ASAP1: variants seen among roughly 807,000 people sequenced by gnomAD.
ASAP1 encodes the protein ArfGAP with SH3 domain, ankyrin repeat and PH domain 1.
ASAP1 carries 43 observed loss-of-function variants against 145.2 expected under a neutral mutation model. The ratio of observed to expected loss-of-function variants is 0.30; its 90% CI spans 0.23 to 0.38. ASAP1 has a LOEUF of 0.38. Among genes scored for constraint, ASAP1 ranks in the 10% least tolerant of loss-of-function variants. The pLI, the probability that ASAP1 is intolerant of heterozygous loss-of-function variation, is 1.00. For missense variants in ASAP1, 1,018 were observed against 1,355.3 expected, an observed-to-expected ratio of 0.75 and a Z score of 3.91; for synonymous variants, 546 against 515.5, an observed-to-expected ratio of 1.06 and a Z score of -0.80.
chr8:130,147,071 CTAAAAA>C (rs201162549), intron 13 of ASAP1, among the ~76,000 whole-genome samples: 2,340 of 151,706 alleles, frequency 0.015, 31 homozygotes, highest in East Asian at 0.053. Context: ...ACTAAAAATA[CTAAAAA>C]TTAGCTGGCT....
intron 2 of ASAP1, among the ~76,000 whole-genome samples, chr8:130,359,596 T>C (rs1262674935): frequency 6.7e-6 from 1 of 148,806 alleles, no homozygotes; most frequent in Non-Finnish European, 1.5e-5. Flanking sequence ...CCCCCGGGAT[T>C]GGGCTTCTGC....
rs180948363 is a variant in ASAP1, at chr8:130,386,595, C to G, written c.59+15290G>C. 161 of 152,414 alleles carry G rather than the reference C, an allele frequency of 1.1e-3. 2 individuals are homozygous for G. The highest frequency in any genetic ancestry group is 3.8e-3 in the African/African-American group (158 of 41,594). The allele number at this position is 152,414 out of a possible 1,614,324, so 9.4% of individuals were successfully genotyped here. On this transcript the variant is annotated intron_variant, in intron 2 of 29. Coordinates refer to ENST00000518721, the MANE Select transcript of ASAP1 (RefSeq NM_018482.4). ...GTGAAAACTCCATTTCCAGTCTCCTCTTACCAAACTCACATTGTTTGGGAA... is the reference window on the plus strand; with the variant it reads ...GTGAAAACTCCATTTCCAGTCTCCTGTTACCAAACTCACATTGTTTGGGAA...
chr8:130,128,138 C>G, intron 15 of ASAP1, 48 bp from the exon 16 acceptor site: 1 of 270,124 alleles, frequency 3.7e-6, no homozygotes. Flanking sequence ...AGAGCATGGT[C>G]ATTTTTTTTT....
chr8:130,167,359 C>G, intron 11 of ASAP1, 177 bp downstream of exon 11: 1 of 746,668 alleles, frequency 1.3e-6, no homozygotes, highest in Non-Finnish European at 2.5e-6. Flanking sequence ...CCCAGAACAT[C>G]TTTCCTATAA....
At chr8:130,218,902 TATGTCTCACATATATATAC>T (rs1817107573) in intron 4 of ASAP1, among the ~76,000 whole-genome samples, 1 of 152,124 alleles carries the variant, frequency 6.6e-6, no homozygotes, top group African/African-American at 2.4e-5. Context: ...TACTGGCATA[TATGTCTCACATATATATAC>T]ATGTCTCACA....
chr8:130,395,292 A>G (rs1334555151), intron 2 of ASAP1, among the ~76,000 whole-genome samples: 1 of 152,194 alleles, frequency 6.6e-6, no homozygotes, highest in Non-Finnish European at 1.5e-5. Context: ...CATACGTTTG[A>G]CACGTCCTCT....
chr8:130,188,665 C>CG (rs1814909469), intron 5 of ASAP1, among the ~76,000 whole-genome samples: 2 of 118,250 alleles, frequency 1.7e-5, no homozygotes, highest in Admixed American at 2.2e-4. Flanking sequence ...ACCTGGGAGG[C>CG]GGAGGTTGCA....
intron 3 of ASAP1, among the ~76,000 whole-genome samples, chr8:130,268,073 C>T (rs1046708392): frequency 1.3e-5 from 2 of 152,178 alleles, no homozygotes; most frequent in Non-Finnish European, 2.9e-5. Context: ...AAGTTGATTA[C>T]AGATCTGATG....
At chr8:130,154,054 A>G (rs1425174599) in intron 12 of ASAP1, among the ~76,000 whole-genome samples, 1 of 152,164 alleles carries the variant, frequency 6.6e-6, no homozygotes, top group African/African-American at 2.4e-5. Context: ...TAAAGTTAAG[A>G]AAGTAACTCA....
intron 15 of ASAP1, among the ~76,000 whole-genome samples, chr8:130,128,980 C>G (rs36065517): frequency 0.23 from 34,799 of 152,174 alleles, 4,282 homozygotes; most frequent in South Asian, 0.37. Flanking sequence ...ATAATCCCCA[C>G]GTGTCTGGGG....
intron 1 of ASAP1, among the ~76,000 whole-genome samples, chr8:130,428,428 CATCAT>C (rs1830009882): frequency 1.4e-5 from 2 of 139,246 alleles, no homozygotes; most frequent in Non-Finnish European, 3.1e-5. Context: ...TCACCATCAT[CATCAT>C]CACCACCACC....
At position 130,401,983 on chromosome 8, in the gene ASAP1, C is replaced by A; in HGVS notation, c.-27-13G>T. ...ATCAGAAAACGACCTGGATAGGGGG[C>A]AGGACAAAAAGGGGACAAGAGTCAT... On this transcript the variant is annotated splice_polypyrimidine_tract_variant and intron_variant, in intron 1 of 29. Transcript: ENST00000518721. 6.3e-7 allele frequency: 1 copy of A among 1,580,184 alleles called. No homozygotes were observed. Among genetic ancestry groups the A allele is most frequent in the Admixed American group, 1.7e-5 (1 of 57,770 alleles).
chr8:130,090,462 T>C (rs1381123877), intron 25 of ASAP1, among the ~76,000 whole-genome samples: 3 of 152,236 alleles, frequency 2.0e-5, no homozygotes, highest in African/African-American at 7.2e-5. Context: ...CCTTAGTCTT[T>C]ATGTACATAT....
At chr8:130,418,648 G>T (rs768677372) in intron 1 of ASAP1, among the ~76,000 whole-genome samples, 1 of 151,746 alleles carries the variant, frequency 6.6e-6, no homozygotes, top group Non-Finnish European at 1.5e-5. Context: ...ATGAAACCCC[G>T]AACCCATAAG....
At chr8:130,240,783 A>G (rs1429921151) in intron 3 of ASAP1, among the ~76,000 whole-genome samples, 1 of 152,116 alleles carries the variant, frequency 6.6e-6, no homozygotes, top group Non-Finnish European at 1.5e-5. Context: ...AGTCTAGGAG[A>G]GCACTTCCAA....
At chr8:130,347,918 T>C (rs1460137137) in intron 3 of ASAP1, among the ~76,000 whole-genome samples, 2 of 152,214 alleles carry the variant, frequency 1.3e-5, no homozygotes, top group Non-Finnish European at 2.9e-5. Context: ...TTAACCAATG[T>C]ATTTCATTTT....
intron 5 of ASAP1, among the ~76,000 whole-genome samples, chr8:130,189,297 TC>T (rs1344233388): frequency 6.6e-6 from 1 of 152,164 alleles, no homozygotes; most frequent in African/African-American, 2.4e-5. Flanking sequence ...TAATAACCAA[TC>T]CCTCTTTATT....
intron 7 of ASAP1, 66 bp downstream of exon 7, chr8:130,187,170 T>TG: frequency 6.5e-6 from 9 of 1,391,438 alleles, no homozygotes; most frequent in South Asian, 1.3e-5. Context: ...AGTTTTTTTT[T>TG]TTGTTGTCCA....
intron 14 of ASAP1, among the ~76,000 whole-genome samples, chr8:130,135,463 TGACAGAGTGA>T (rs1225044744): frequency 2.0e-5 from 3 of 151,886 alleles, no homozygotes; most frequent in Non-Finnish European, 4.4e-5. Context: ...GCAGCCTGGG[TGACAGAGTGA>T]GACCCTGCCT....
Sources: gnomAD v4.1 joint callset for allele counts (sites outside exome capture counted in the v4.1 genomes callset) on GRCh38, gnomAD v4.1.1 for gene constraint, MANE v1.5 for transcripts, NCBI Gene and HGNC (gene_info 2026-07-23, HGNC 2026-07-21) for gene names.